XPNPEP1: variants seen among roughly 807,000 people sequenced by gnomAD.
The protein encoded by XPNPEP1 is xaa-Pro aminopeptidase 1.
XPNPEP1 carries 39 observed loss-of-function variants against 92.4 expected under a neutral mutation model. The ratio of observed to expected loss-of-function variants is 0.42; its 90% CI spans 0.33 to 0.55. The LOEUF (loss-of-function observed/expected upper bound fraction) is 0.55. Among genes scored for constraint, XPNPEP1 ranks in the 20% least tolerant of loss-of-function variants. The probability of loss-of-function intolerance (pLI) is 0.08; values close to 1 mark genes in which losing one functional copy is unlikely to be tolerated. For missense variants in XPNPEP1, 654 were observed against 856.1 expected (o/e 0.76, Z 2.95); for synonymous variants, 307 against 299.4 (o/e 1.03, Z -0.26).
intron 5 of XPNPEP1, among the ~76,000 whole-genome samples, chr10:109,890,794 G>A (rs1480588879): frequency 2.0e-5 from 3 of 152,194 alleles, no homozygotes; most frequent in African/African-American, 7.2e-5. Flanking sequence ...TGGAGGGTGT[G>A]TGGCATACAC....
intron 12 of XPNPEP1, 100 bp downstream of exon 12, chr10:109,880,088 C>A: frequency 8.3e-7 from 1 of 1,202,724 alleles, no homozygotes; most frequent in East Asian, 2.4e-5. Flanking sequence ...GATCTCAGAT[C>A]TCATGGTCAG....
intron 9 of XPNPEP1, 68 bp from the exon 10 acceptor site, chr10:109,882,710 A>T: frequency 6.6e-7 from 1 of 1,514,130 alleles, no homozygotes; most frequent in East Asian, 2.3e-5. Context: ...CAACACAGAC[A>T]CACATACACA....
intron 5 of XPNPEP1, 104 bp from the exon 6 acceptor site, chr10:109,888,699 T>A: frequency 2.3e-6 from 2 of 870,702 alleles, no homozygotes; most frequent in Non-Finnish European, 3.3e-6. Context: ...GGGTCTTTAT[T>A]AAGCAGCTTC....
intron 3 of XPNPEP1, among the ~76,000 whole-genome samples, chr10:109,902,860 G>T (rs926693225): frequency 3.3e-5 from 5 of 152,224 alleles, no homozygotes; most frequent in African/African-American, 1.2e-4. Context: ...GATATTGCAG[G>T]ATCATTAGTA....
chr10:109,893,812 C>T (rs1397150912), intron 3 of XPNPEP1, among the ~76,000 whole-genome samples: 2 of 152,130 alleles, frequency 1.3e-5, no homozygotes, highest in South Asian at 2.1e-4. Flanking sequence ...AGTAACTTGC[C>T]CCAAATCACA....
intron 5 of XPNPEP1, 41 bp from the exon 6 acceptor site, chr10:109,888,636 C>G (rs749622707): frequency 6.7e-7 from 1 of 1,489,268 alleles, no homozygotes; most frequent in Non-Finnish European, 9.2e-7. Context: ...TCCCAGTGGG[C>G]CCACGCTCAT....
Position 109,870,819 on chromosome 10 carries a change from A to C in XPNPEP1, c.1608T>G (p.Ser536=). The change falls in exon 18 of 21, where the codon TCT becomes TCG. Residue 536 remains serine, a synonymous_variant. Transcript: ENST00000502935. ...AAGGACCCTCATGGACATTCAAAAA[A>C]GACCCAACACCATGTCCAGTCCCGT... ...YLHGTGHGVG[S]FLNVHEGPCG... is the part of the protein sequence containing the mutation. 6.2e-7 allele frequency: 1 copy of C among 1,614,210 alleles called. No homozygotes were observed. The highest frequency in any genetic ancestry group is 8.5e-7 in the Non-Finnish European group (1 of 1,180,030).
chr10:109,906,519 A>AT (rs1423773242), intron 3 of XPNPEP1, among the ~76,000 whole-genome samples: 1 of 152,200 alleles, frequency 6.6e-6, no homozygotes, highest in Admixed American at 6.5e-5. Context: ...CCTGACACAC[A>AT]TAACTCTGAG....
intron 17 of XPNPEP1, 57 bp downstream of exon 17, chr10:109,871,735 A>G: frequency 6.4e-7 from 1 of 1,574,036 alleles, no homozygotes; most frequent in African/African-American, 1.4e-5. Context: ...AAACATAGAC[A>G]TATTTGATTC....
intron 8 of XPNPEP1, chr10:109,884,576 C>T (rs1033638347): frequency 6.5e-6 from 1 of 154,468 alleles, no homozygotes; most frequent in Admixed American, 6.5e-5. Flanking sequence ...AAACTGAGAC[C>T]CTCCCACAAG....
intron 15 of XPNPEP1, 117 bp from the exon 16 acceptor site, chr10:109,873,544 T>C (rs571359998): frequency 5.9e-5 from 71 of 1,200,930 alleles, no homozygotes; most frequent in Middle Eastern, 1.9e-4. Context: ...GCATGTAAAA[T>C]AGCACAGCCA....
At chr10:109,913,712 G>A (rs554455166) in intron 2 of XPNPEP1, among the ~76,000 whole-genome samples, 2 of 152,246 alleles carry the variant, frequency 1.3e-5, no homozygotes, top group South Asian at 2.1e-4. Flanking sequence ...ATTAGCTGGG[G>A]GACATAATAG....
At chr10:109,905,082 T>C (rs1304194369) in intron 3 of XPNPEP1, among the ~76,000 whole-genome samples, 3 of 151,974 alleles carry the variant, frequency 2.0e-5, no homozygotes, top group African/African-American at 4.8e-5. Flanking sequence ...TTCAGCCTTA[T>C]AAAAGAAAGA....
intron 17 of XPNPEP1, among the ~76,000 whole-genome samples, chr10:109,871,235 A>T (rs1253649068): frequency 6.6e-6 from 1 of 152,026 alleles, no homozygotes; most frequent in Non-Finnish European, 1.5e-5. Context: ...CTCTAACCAG[A>T]CTGCAAGCAG....
At chr10:109,868,483 A>G (rs1847264979) in intron 20 of XPNPEP1, 131 bp downstream of exon 20, 2 of 829,928 alleles carry the variant, frequency 2.4e-6, no homozygotes, top group Non-Finnish European at 1.9e-6. Flanking sequence ...ACTGGCCTAG[A>G]CCTCTAAATT....
intron 3 of XPNPEP1, among the ~76,000 whole-genome samples, chr10:109,902,318 G>A (rs1364499670): frequency 6.6e-6 from 1 of 152,224 alleles, no homozygotes; most frequent in Non-Finnish European, 1.5e-5. Context: ...AATAGCCCAT[G>A]CGGTACATAC....
intron 16 of XPNPEP1, among the ~76,000 whole-genome samples, chr10:109,872,127 A>C (rs1009573308): frequency 2.0e-5 from 3 of 152,248 alleles, no homozygotes; most frequent in African/African-American, 7.2e-5. Flanking sequence ...ATACTCCATC[A>C]TGTGAGCCTT....
At position 109,893,326 on chromosome 10, in the gene XPNPEP1, A is replaced by C. The variant is rs1368675187; in HGVS notation, c.247-251T>G. On this transcript the variant is annotated intron_variant, in intron 3 of 20. Transcript: ENST00000502935. ...CTCATTAGGAGAACCAAAGCACATC[A>C]GGAGAAACAGATAAAAACTGCTCTT... 1.1e-5 allele frequency: 4 copies of C among 373,250 alleles called. No individual in the cohort carries two copies. The East Asian group carries it at 1.6e-4, about 15-fold the overall frequency. The allele number at this position is 373,250 out of a possible 1,614,324, so 23.1% of individuals were successfully genotyped here.
intron 14 of XPNPEP1, chr10:109,876,441 A>G (rs2133377879): frequency 6.6e-6 from 1 of 152,366 alleles, no homozygotes; most frequent in South Asian, 2.1e-4. Flanking sequence ...AACCACCCAC[A>G]ATGAAGAAAT....
Sources: allele counts gnomAD v4.1 joint callset (sites outside exome capture counted in the v4.1 genomes callset), GRCh38; gene constraint gnomAD v4.1.1; transcripts MANE v1.5; gene names NCBI Gene and HGNC (gene_info 2026-07-23, HGNC 2026-07-21).